The following SPP2 variants were observed in gnomAD, a reference collection of about 807,000 sequenced individuals.
SPP2 encodes the protein secreted phosphoprotein 2.
In SPP2, 34 loss-of-function variants were observed where a neutral mutation model predicts 28.8. The ratio of observed to expected loss-of-function variants is 1.18; its 90% CI spans 0.90 to 1.57. The LOEUF is 1.57. Among genes scored for constraint, SPP2 ranks in the 40% most tolerant of loss-of-function variants. SPP2 has a pLI of 0.00. For missense variants in SPP2, 269 were observed against 263.9 expected, an observed-to-expected ratio of 1.02 and a Z score of -0.13; for synonymous variants, 96 against 89.4, an observed-to-expected ratio of 1.07 and a Z score of -0.42.
chr2:234,075,408 C>G (rs1041525346), intron 7 of SPP2, among the ~76,000 whole-genome samples: 3 of 152,156 alleles, frequency 2.0e-5, no homozygotes, highest in African/African-American at 7.2e-5. Flanking sequence ...TCTCCTCCTG[C>G]ACCCGTCACC....
chr2:234,066,629 A>G, intron 5 of SPP2, 42 bp downstream of exon 5: 4 of 1,463,944 alleles, frequency 2.7e-6, no homozygotes, highest in Non-Finnish European at 3.8e-6. Flanking sequence ...TTCTTAAAAT[A>G]ACTCCATATT....
At chr2:234,067,717 C>T (rs1693852395) in intron 6 of SPP2, among the ~76,000 whole-genome samples, 1 of 132,360 alleles carries the variant, frequency 7.6e-6, no homozygotes, top group African/African-American at 2.9e-5. Flanking sequence ...GCGGAGCTTG[C>T]AGTGAGCCGA....
At chr2:234,076,414 G>C (rs1004599613) in intron 7 of SPP2, among the ~76,000 whole-genome samples, 10 of 152,070 alleles carry the variant, frequency 6.6e-5, no homozygotes, top group African/African-American at 2.4e-4. Flanking sequence ...GCACATAGGC[G>C]TCTCTGGAAT....
chr2:234,055,188 C>T (rs1015870053), intron 2 of SPP2, among the ~76,000 whole-genome samples: 1 of 152,104 alleles, frequency 6.6e-6, no homozygotes, highest in Non-Finnish European at 1.5e-5. Flanking sequence ...TAAGGAATTG[C>T]CTCATGCAAT....
intron 4 of SPP2, among the ~76,000 whole-genome samples, chr2:234,063,551 A>ATT (rs1693760642): frequency 6.6e-6 from 1 of 152,234 alleles, no homozygotes; most frequent in African/African-American, 2.4e-5. Flanking sequence ...ATATTCTCCT[A>ATT]TAGTTAACTA....
intron 4 of SPP2, among the ~76,000 whole-genome samples, 172 bp downstream of exon 4, chr2:234,060,651 T>C (rs1458270826): frequency 6.6e-6 from 1 of 151,944 alleles, no homozygotes; most frequent in Admixed American, 6.6e-5. Context: ...ATTGTCCACA[T>C]CCCCTACTTC....
At chr2:234,055,205 G>T (rs1693582342) in intron 2 of SPP2, among the ~76,000 whole-genome samples, 1 of 152,196 alleles carries the variant, frequency 6.6e-6, no homozygotes, top group African/African-American at 2.4e-5. Flanking sequence ...CAATTTCAAA[G>T]GCTGGCAAGT....
chr2:234,062,476 T>C (rs1693739998), intron 4 of SPP2, among the ~76,000 whole-genome samples: 1 of 152,080 alleles, frequency 6.6e-6, no homozygotes, highest in African/African-American at 2.4e-5. Context: ...TGGAGGAACA[T>C]TAGCAGTCAA....
At chr2:234,075,986 C>T (rs1260702813) in intron 7 of SPP2, among the ~76,000 whole-genome samples, 14 of 152,160 alleles carry the variant, frequency 9.2e-5, no homozygotes, top group Admixed American at 8.5e-4. Flanking sequence ...CTGTCCTTTT[C>T]GAGCTGTTGG....
chr2:234,075,229 G>A, intron 7 of SPP2, among the ~76,000 whole-genome samples: 1 of 152,150 alleles, frequency 6.6e-6, no homozygotes, highest in East Asian at 1.9e-4. Context: ...AGTGAGCAGT[G>A]AGTAGGCGAA....
chr2:234,075,424 G>A (rs1180150342), intron 7 of SPP2, among the ~76,000 whole-genome samples: 2 of 152,116 alleles, frequency 1.3e-5, no homozygotes, highest in African/African-American at 2.4e-5. Flanking sequence ...TCACCGCCCT[G>A]CTCTGTAGCC....
intron 2 of SPP2, among the ~76,000 whole-genome samples, chr2:234,052,945 A>G (rs1210246142): frequency 6.6e-6 from 1 of 152,200 alleles, no homozygotes; most frequent in Non-Finnish European, 1.5e-5. Context: ...AAATATACCA[A>G]TTCTCTCTAC....
intron 3 of SPP2, among the ~76,000 whole-genome samples, chr2:234,059,210 T>C (rs1299126443): frequency 6.6e-6 from 1 of 152,168 alleles, no homozygotes. Context: ...CTTTTTAACA[T>C]GAGGATGAAT....
At chr2:234,065,615 A>G (rs1693803532) in intron 4 of SPP2, among the ~76,000 whole-genome samples, 1 of 152,156 alleles carries the variant, frequency 6.6e-6, no homozygotes. Flanking sequence ...TCTAACGACT[A>G]ATGATTGGCC....
rs1056778100 is a variant in SPP2 at position 234,076,395 on chromosome 2, G to A, written c.*11-450G>A. ...GCCCTCTTCAGGAACCCTTTTCCTC[G>A]GGTTTCCTGCACATAGGCGTCTCTG... On this transcript the variant is annotated intron_variant, in intron 7 of 7. Transcript: ENST00000168148. 2.6e-5 allele frequency among the ~76,000 whole-genome samples: 4 copies of A among 152,022 alleles called. 1 individual carries two copies. Among genetic ancestry groups the A allele is most frequent in the South Asian group, 4.2e-4 (2 of 4,812 alleles).
chr2:234,053,266 G>T (rs1176386036), intron 2 of SPP2, among the ~76,000 whole-genome samples: 1 of 152,148 alleles, frequency 6.6e-6, no homozygotes, highest in Non-Finnish European at 1.5e-5. Flanking sequence ...ATATTTACTA[G>T]CATGTTAAAC....
chr2:234,055,847 G>C (rs535624284), intron 2 of SPP2, among the ~76,000 whole-genome samples: 1 of 134,850 alleles, frequency 7.4e-6, no homozygotes, highest in African/African-American at 2.9e-5. Flanking sequence ...ATTTTCTCCA[G>C]TTGACTTCTT....
At position 234,059,029 on chromosome 2, in the gene SPP2, A is replaced by G. The variant is rs902224082; in HGVS notation, c.333+71A>G. The G allele has an allele frequency of 3.2e-5, 50 of 1,551,494 alleles. No homozygotes were observed. The African/African-American group carries it at 6.1e-4, about 19-fold the overall frequency. The stretch of plus-strand genomic sequence containing the variant: ...CTCACTTCTTCCATGACCTGGAGTC[A>G]CACAAAGAACTTGGTCGCTGCCTGG... On this transcript the variant is annotated intron_variant, in intron 3 of 7. Transcript: ENST00000168148.
intron 4 of SPP2, among the ~76,000 whole-genome samples, chr2:234,064,398 G>T (rs999357726): frequency 1.3e-5 from 2 of 152,098 alleles, no homozygotes; most frequent in African/African-American, 4.8e-5. Flanking sequence ...ATTTCTCTCT[G>T]CTGCCAGTTA....
Sources: gnomAD v4.1 joint callset for allele counts (sites outside exome capture counted in the v4.1 genomes callset) on GRCh38, gnomAD v4.1.1 for gene constraint, MANE v1.5 for transcripts, NCBI Gene and HGNC (gene_info 2026-07-23, HGNC 2026-07-21) for gene names.